Variants in GRIA2 observed in about 807,000 individuals in gnomAD.
The protein encoded by GRIA2 is glutamate ionotropic receptor AMPA type subunit 2.
Under a neutral mutation model 97.3 loss-of-function variants are expected in GRIA2, and 14 were observed. The ratio of observed to expected loss-of-function variants is 0.14; its 90% CI spans 0.10 to 0.23. The LOEUF is 0.23. Ranked by LOEUF, GRIA2 falls within the 10% of genes least tolerant of loss-of-function variation. The pLI is 1.00. For missense variants in GRIA2, 558 were observed against 1,069.8 expected (o/e 0.52, Z 6.67); for synonymous variants, 412 against 387.8 (o/e 1.06, Z -0.73).
Position 157,360,130 on chromosome 4 carries a change from G to C in GRIA2, c.2278G>C (p.Gly760Arg). The stretch of plus-strand genomic sequence containing the variant: ...AGGCTATGGCATCGCAACACCTAAA[G>C]GATCCTCATTAAGGTGGGTGGAATA... ...SKGYGIATPK[G>R]SSLRNAVNLA... The change falls in exon 13 of 16, where the codon GGA becomes CGA. Residue 760 changes from glycine (G) to arginine (R), a missense_variant. By Grantham distance (125) the Gly-to-Arg change is moderately radical. Transcript: ENST00000264426. 1 of 1,613,588 alleles carries C rather than the reference G, an allele frequency of 6.2e-7. No homozygotes were observed. The highest frequency in any genetic ancestry group is 8.5e-7 in the Non-Finnish European group (1 of 1,179,702).
intron 2 of GRIA2, among the ~76,000 whole-genome samples, chr4:157,282,790 A>T (rs888001333): frequency 6.6e-6 from 1 of 152,232 alleles, no homozygotes; most frequent in South Asian, 2.1e-4. Flanking sequence ...ACTCAGGTCT[A>T]TTTCTGGCAA....
At chr4:157,337,892 A>G (rs1735358910) in intron 11 of GRIA2, among the ~76,000 whole-genome samples, 1 of 150,724 alleles carries the variant, frequency 6.6e-6, no homozygotes, top group Admixed American at 6.7e-5. Context: ...TGAATTATAC[A>G]GATTTTAAAA....
chr4:157,356,323 G>T (rs372227097), intron 12 of GRIA2, among the ~76,000 whole-genome samples: 20 of 150,636 alleles, frequency 1.3e-4, no homozygotes, highest in African/African-American at 4.4e-4. Flanking sequence ...TCTTCCCTGG[G>T]GCCATCTTGA....
At chr4:157,345,460 A>G (rs1367768850) in intron 12 of GRIA2, among the ~76,000 whole-genome samples, 1 of 152,154 alleles carries the variant, frequency 6.6e-6, no homozygotes, top group Non-Finnish European at 1.5e-5. Flanking sequence ...TATAATTAAG[A>G]GAGAATTAGC....
intron 8 of GRIA2, 41 bp downstream of exon 8, chr4:157,333,394 G>A (rs775282827): frequency 3.0e-6 from 3 of 1,013,372 alleles, no homozygotes; most frequent in East Asian, 2.4e-5. Context: ...ATGTGAGGAG[G>A]TGAGTTAGCT....
At chr4:157,256,233 A>AAT (rs35047857) in intron 2 of GRIA2, among the ~76,000 whole-genome samples, 2,116 of 124,616 alleles carry the variant, frequency 0.017, 115 homozygotes, top group Non-Finnish European at 0.027. Flanking sequence ...TATAATATAT[A>AAT]ATATATATAT....
chr4:157,308,109 G>A (rs1374287112), intron 3 of GRIA2, among the ~76,000 whole-genome samples: 7 of 152,154 alleles, frequency 4.6e-5, no homozygotes, highest in African/African-American at 9.7e-5. Flanking sequence ...ACCCTTTAAC[G>A]TGCAAACTGA....
At chr4:157,314,423 G>A (rs1471504744) in intron 4 of GRIA2, among the ~76,000 whole-genome samples, 1 of 152,090 alleles carries the variant, frequency 6.6e-6, no homozygotes, top group East Asian at 1.9e-4. Context: ...ACTAAATGTT[G>A]AATGCCAGAG....
At chr4:157,272,035 A>G (rs975357040) in intron 2 of GRIA2, among the ~76,000 whole-genome samples, 2 of 152,106 alleles carry the variant, frequency 1.3e-5, no homozygotes, top group African/African-American at 4.8e-5. Context: ...GAAAAATTCA[A>G]TAAACTCTGA....
At chr4:157,296,537 T>C (rs2126849026) in intron 2 of GRIA2, among the ~76,000 whole-genome samples, 1 of 152,276 alleles carries the variant, frequency 6.6e-6, no homozygotes, top group Non-Finnish European at 1.5e-5. Context: ...TTTTTTCCAG[T>C]ACATCTCTAT....
chr4:157,258,296 A>G (rs1731370557), intron 2 of GRIA2, among the ~76,000 whole-genome samples: 1 of 152,082 alleles, frequency 6.6e-6, no homozygotes, highest in African/African-American at 2.4e-5. Context: ...TCTTTTTCTC[A>G]GCAAGAAACA....
intron 2 of GRIA2, among the ~76,000 whole-genome samples, chr4:157,270,925 G>GTTTT (rs112137551): frequency 6.9e-6 from 1 of 145,132 alleles, no homozygotes; most frequent in African/African-American, 2.5e-5. Context: ...ACTACAATTT[G>GTTTT]TTTTTTTTTT....
rs1355407054 is a variant in GRIA2 at position 157,341,267 on chromosome 4, C to T, written c.1848C>T (p.Ser616=). The T allele has an allele frequency of 1.2e-6, 2 of 1,605,860 alleles. No homozygotes were observed. Among genetic ancestry groups the T allele is most frequent in the Admixed American group, 1.7e-5 (1 of 59,834 alleles). ...MQQGCDISPR[S]LSGRIVGGVW... ...TCCATTTCATACTTGTTATTAGATC[C>T]CTCTCTGGGCGCATTGTTGGAGGTG... The change falls in exon 12 of 16, where the codon TCC becomes TCT. Residue 616 remains serine (S), a synonymous_variant. Coordinates refer to ENST00000264426, the MANE Select transcript of GRIA2 (RefSeq NM_001083619.3).
chr4:157,363,809 G>A lies in GRIA2; in HGVS notation c.*378G>A. On this transcript the variant is annotated 3_prime_UTR_variant, in exon 16 of 16. Transcript: ENST00000264426. ...AGACAAAGCGTGGTGGACATGCACA[G>A]CTAACATGGAAGTACTATAATTTAC... 3 of 353,932 alleles carry A rather than the reference G, an allele frequency of 8.5e-6. No homozygotes were observed. Among genetic ancestry groups the A allele is most frequent in the Non-Finnish European group, 5.1e-6 (1 of 197,568 alleles). 21.9% of individuals were successfully genotyped at this position (353,932 alleles called of 1,614,324 possible).
intron 2 of GRIA2, among the ~76,000 whole-genome samples, chr4:157,269,171 T>C (rs1384264229): frequency 2.6e-5 from 4 of 151,988 alleles, no homozygotes; most frequent in African/African-American, 9.7e-5. Context: ...TGCTATTTGA[T>C]GCCACATGGA....
chr4:157,222,451 C>T (rs967817715), intron 2 of GRIA2, among the ~76,000 whole-genome samples: 10 of 152,240 alleles, frequency 6.6e-5, no homozygotes, highest in South Asian at 2.1e-4. Context: ...CTGACGCAGG[C>T]TCAGGCCGGC....
chr4:157,222,852 C>A (rs1028505183), intron 2 of GRIA2, among the ~76,000 whole-genome samples: 2 of 152,210 alleles, frequency 1.3e-5, no homozygotes, highest in African/African-American at 4.8e-5. Flanking sequence ...GGCCAGAGGG[C>A]TCCGGTCCCC....
chr4:157,302,848 G>T (rs1733675252), intron 2 of GRIA2, among the ~76,000 whole-genome samples: 1 of 152,102 alleles, frequency 6.6e-6, no homozygotes, highest in Non-Finnish European at 1.5e-5. Context: ...AAGAGGATGG[G>T]GGATTGTGGG....
At chr4:157,276,834 G>A (rs575176234) in intron 2 of GRIA2, among the ~76,000 whole-genome samples, 2 of 151,800 alleles carry the variant, frequency 1.3e-5, no homozygotes, top group South Asian at 4.2e-4. Context: ...AAATTCCTTG[G>A]AAAATACAAT....
Sources: allele counts gnomAD v4.1 joint callset (sites outside exome capture counted in the v4.1 genomes callset), GRCh38; gene constraint gnomAD v4.1.1; transcripts MANE v1.5; gene names NCBI Gene and HGNC (gene_info 2026-07-23, HGNC 2026-07-21).